The following GULP1 variants were observed in gnomAD, a reference collection of about 807,000 sequenced individuals.
GULP1 encodes GULP PTB domain containing engulfment adaptor 1.
A neutral mutation model predicts 40.9 loss-of-function variants in GULP1; 19 were observed. The observed-to-expected ratio is 0.46, with a 90% CI of 0.32 to 0.68. The LOEUF (loss-of-function observed/expected upper bound fraction) is 0.68, where lower values mean the gene tolerates loss of function less well. GULP1 is among the 30% of genes least tolerant of loss of function. The pLI is 0.03. For missense variants in GULP1, 312 were observed against 362.2 expected (o/e 0.86, Z 1.12); for synonymous variants, 119 against 117.6 (o/e 1.01, Z -0.08).
At chr2:188,475,188 C>T (rs924292832) in intron 2 of GULP1, among the ~76,000 whole-genome samples, 7 of 152,070 alleles carry the variant, frequency 4.6e-5, no homozygotes, top group African/African-American at 1.7e-4. Flanking sequence ...CACATTGCAT[C>T]AAATAAAATG....
At chr2:188,477,847 T>C in intron 3 of GULP1, 117 bp downstream of exon 3, 14 of 711,088 alleles carry the variant, frequency 2.0e-5, no homozygotes, top group East Asian at 2.8e-5. Context: ...AGAAATGAAG[T>C]TAGATTAGAG....
intron 1 of GULP1, among the ~76,000 whole-genome samples, chr2:188,381,593 G>A (rs541358583): frequency 1.3e-5 from 2 of 151,968 alleles, no homozygotes; most frequent in African/African-American, 4.8e-5. Flanking sequence ...TATTTATCTC[G>A]AATTATTTCT....
intron 1 of GULP1, among the ~76,000 whole-genome samples, chr2:188,341,019 G>T (rs771686229): frequency 1.3e-5 from 2 of 152,116 alleles, no homozygotes; most frequent in Non-Finnish European, 2.9e-5. Context: ...CAGGATAGGG[G>T]ATGGGACAGG....
At chr2:188,337,026 T>C (rs1574508819) in intron 1 of GULP1, among the ~76,000 whole-genome samples, 1 of 152,194 alleles carries the variant, frequency 6.6e-6, no homozygotes, top group East Asian at 1.9e-4. Flanking sequence ...AGAAAATCTT[T>C]CCTTGTGAGT....
intron 7 of GULP1, among the ~76,000 whole-genome samples, chr2:188,565,093 G>A (rs542069513): frequency 1.5e-4 from 23 of 151,930 alleles, no homozygotes; most frequent in South Asian, 1.0e-3. Flanking sequence ...AATCTTATAC[G>A]TAACTTTCAT....
chr2:188,336,214 A>G (rs771830456), intron 1 of GULP1, among the ~76,000 whole-genome samples: 2 of 152,152 alleles, frequency 1.3e-5, no homozygotes, highest in Non-Finnish European at 2.9e-5. Context: ...CCTTTCTTTA[A>G]GAAGCAGCTG....
chr2:188,561,681 G>C (rs1696322385), intron 7 of GULP1, among the ~76,000 whole-genome samples: 1 of 152,198 alleles, frequency 6.6e-6, no homozygotes, highest in Admixed American at 6.5e-5. Context: ...GTCCCTGGCA[G>C]AATGCATGAG....
At chr2:188,573,140 T>C (rs185707004) in intron 9 of GULP1, among the ~76,000 whole-genome samples, 6 of 152,210 alleles carry the variant, frequency 3.9e-5, no homozygotes, top group African/African-American at 1.4e-4. Context: ...TAATGAGATA[T>C]CTAACCAATT....
intron 1 of GULP1, among the ~76,000 whole-genome samples, chr2:188,368,789 A>G (rs1269498823): frequency 1.3e-5 from 2 of 151,170 alleles, no homozygotes; most frequent in Non-Finnish European, 2.9e-5. Flanking sequence ...AATGAAAAAC[A>G]TATTTCCTTT....
chr2:188,326,835 C>T (rs1574435926), intron 1 of GULP1, among the ~76,000 whole-genome samples: 1 of 152,108 alleles, frequency 6.6e-6, no homozygotes, highest in South Asian at 2.1e-4. Flanking sequence ...AGAAGCTCTG[C>T]AACAGATGGT....
intron 7 of GULP1, among the ~76,000 whole-genome samples, chr2:188,551,282 G>A (rs1430462059): frequency 3.3e-5 from 5 of 151,404 alleles, no homozygotes; most frequent in Admixed American, 3.3e-4. Flanking sequence ...CTCTCTAACT[G>A]TATGTTTGTA....
intron 2 of GULP1, among the ~76,000 whole-genome samples, chr2:188,399,315 A>G (rs2051754669): frequency 6.6e-6 from 1 of 152,098 alleles, no homozygotes; most frequent in Non-Finnish European, 1.5e-5. Flanking sequence ...ATATGGACCA[A>G]TAGTATTTTT....
chr2:188,407,086 G>C lies in GULP1; in HGVS notation c.-45+23197G>C, dbSNP rs1038049943. On this transcript the variant is annotated intron_variant, in intron 2 of 11. Transcript: ENST00000409830. ...TCAGCAGGGGCATTCCAGGCCAGGA[G>C]AGAGTGGTGTGGTAGCTTCAAAATG... 3.3e-5 allele frequency among the ~76,000 whole-genome samples: 5 copies of C among 152,156 alleles called. 1 individual carries two copies. Among genetic ancestry groups the C allele is most frequent in the Middle Eastern group, 6.3e-3 (2 of 316 alleles).
rs531188630 is a variant in GULP1, at chr2:188,393,788, G to A, written c.-45+9899G>A. 6.6e-5 allele frequency among the ~76,000 whole-genome samples: 10 copies of A among 152,158 alleles called. No homozygotes were observed. The South Asian group carries it at 1.9e-3, about 28-fold the overall frequency. ...TCTGGTTCATAATTTATGAAATTTA[G>A]TTTTACTGGATACAAAATTATTGGC... On this transcript the variant is annotated intron_variant, in intron 2 of 11. Coordinates refer to ENST00000409830, the MANE Select transcript of GULP1 (RefSeq NM_016315.4).
At chr2:188,525,049 CA>C (rs927909114) in intron 5 of GULP1, among the ~76,000 whole-genome samples, 1 of 151,648 alleles carries the variant, frequency 6.6e-6, no homozygotes, top group African/African-American at 2.4e-5. Context: ...GCTTAGTTTT[CA>C]AAAAAATTTA....
At chr2:188,395,442 G>C (rs1423175048) in intron 2 of GULP1, among the ~76,000 whole-genome samples, 4 of 152,152 alleles carry the variant, frequency 2.6e-5, no homozygotes, top group African/African-American at 9.7e-5. Flanking sequence ...AGAAGCCCCA[G>C]CTGGGTCTGC....
intron 7 of GULP1, among the ~76,000 whole-genome samples, chr2:188,557,891 A>G (rs1373652492): frequency 6.6e-6 from 1 of 152,184 alleles, no homozygotes; most frequent in African/African-American, 2.4e-5. Flanking sequence ...TTTGAGCCAT[A>G]GTTGGAAATG....
Position 188,497,765 on chromosome 2 carries a change from T to C in GULP1, c.90+14273T>C, listed in dbSNP as rs186278510. On this transcript the variant is annotated intron_variant, in intron 4 of 11. Coordinates refer to ENST00000409830, the MANE Select transcript of GULP1 (RefSeq NM_016315.4). The stretch of plus-strand genomic sequence containing the variant: ...GATAGTCGAAAGAACAGACAGACCC[T>C]TTGGATCTCATGCAAGGCTTTAATA... 3.0e-4 allele frequency among the ~76,000 whole-genome samples: 46 copies of C among 152,040 alleles called. No individual in the cohort carries two copies. The East Asian group carries it at 3.9e-3, about 13-fold the overall frequency.
chr2:188,494,553 G>T (rs7573579), intron 4 of GULP1, among the ~76,000 whole-genome samples: 6,344 of 152,040 alleles, frequency 0.042, 303 homozygotes, highest in African/African-American at 0.11. Context: ...ATAGGCCACC[G>T]TCATCTGTCT....
Sources: gnomAD v4.1 joint callset for allele counts (sites outside exome capture counted in the v4.1 genomes callset) on GRCh38, gnomAD v4.1.1 for gene constraint, MANE v1.5 for transcripts, NCBI Gene and HGNC (gene_info 2026-07-23, HGNC 2026-07-21) for gene names.